The following PDS5B variants were observed in gnomAD, a reference collection of about 807,000 sequenced individuals.
PDS5B encodes PDS5 cohesin associated factor B, also known as sister chromatid cohesion protein PDS5 homolog B.
PDS5B carries 51 observed loss-of-function variants against 184.1 expected under a neutral mutation model. The ratio of observed to expected loss-of-function variants is 0.28; its 90% CI spans 0.22 to 0.35. The LOEUF (loss-of-function observed/expected upper bound fraction) is 0.35, where lower values mean the gene tolerates loss of function less well. Ranked by LOEUF, PDS5B falls within the 10% of genes least tolerant of loss-of-function variation. The pLI is 1.00. For synonymous variants in PDS5B, 566 were observed against 569.2 expected (o/e 0.99, Z 0.08); for missense variants, 1,180 against 1,723.3 (o/e 0.68, Z 5.58).
At chr13:32,590,900 A>C (rs1358178122) in intron 1 of PDS5B, among the ~76,000 whole-genome samples, 4 of 151,788 alleles carry the variant, frequency 2.6e-5, no homozygotes. Context: ...TAAGTACTCT[A>C]TTAGGGGAAT....
At chr13:32,637,985 G>A (rs751496544) in intron 1 of PDS5B, among the ~76,000 whole-genome samples, 50 of 152,274 alleles carry the variant, frequency 3.3e-4, no homozygotes, top group Admixed American at 2.8e-3. Context: ...TACTGATCTG[G>A]ACCAGGCTTA....
At chr13:32,586,746 A>T (rs1405114332) in intron 1 of PDS5B, among the ~76,000 whole-genome samples, 153 bp downstream of exon 1, 2 of 146,272 alleles carry the variant, frequency 1.4e-5, no homozygotes, top group Non-Finnish European at 3.0e-5. Flanking sequence ...GCCTCCCGGC[A>T]TCGGGGGCTG....
chr13:32,676,697 C>T (rs1186636336), intron 9 of PDS5B, among the ~76,000 whole-genome samples: 7 of 152,088 alleles, frequency 4.6e-5, no homozygotes, highest in Non-Finnish European at 7.4e-5. Context: ...TTTGGGAGGC[C>T]GAGGCAGGTG....
At chr13:32,629,727 A>T (rs2058426018) in intron 1 of PDS5B, among the ~76,000 whole-genome samples, 1 of 152,162 alleles carries the variant, frequency 6.6e-6, no homozygotes, top group South Asian at 2.1e-4. Context: ...CAAGAAGTTG[A>T]GTGTGCCTCT....
intron 1 of PDS5B, among the ~76,000 whole-genome samples, chr13:32,613,950 C>T (rs753697310): frequency 3.9e-5 from 6 of 152,130 alleles, no homozygotes; most frequent in Non-Finnish European, 5.9e-5. Context: ...CATTCTTTTG[C>T]GTGTTGATAA....
chr13:32,686,533 C>T (rs1350345820), intron 11 of PDS5B, among the ~76,000 whole-genome samples: 1 of 152,136 alleles, frequency 6.6e-6, no homozygotes, highest in Non-Finnish European at 1.5e-5. Flanking sequence ...CCTGTAATCC[C>T]AGCACTTTAG....
intron 3 of PDS5B, among the ~76,000 whole-genome samples, chr13:32,655,432 G>A (rs989378971): frequency 6.0e-5 from 8 of 133,090 alleles, no homozygotes; most frequent in Non-Finnish European, 1.2e-4. Context: ...AGGCTGGAGT[G>A]CAGTGGTGCG....
At chr13:32,628,972 G>A (rs1233776647) in intron 1 of PDS5B, among the ~76,000 whole-genome samples, 1 of 152,156 alleles carries the variant, frequency 6.6e-6, no homozygotes, top group African/African-American at 2.4e-5. Context: ...CTGGGTTGAA[G>A]GGAATGTGTC....
intron 26 of PDS5B, among the ~76,000 whole-genome samples, chr13:32,757,838 G>A (rs964958503): frequency 6.6e-6 from 1 of 151,930 alleles, no homozygotes; most frequent in African/African-American, 2.4e-5. Context: ...CCTTTAACCC[G>A]CCTCCTTGGA....
intron 1 of PDS5B, among the ~76,000 whole-genome samples, chr13:32,595,764 G>A (rs939448458): frequency 1.3e-5 from 2 of 152,178 alleles, no homozygotes; most frequent in African/African-American, 4.8e-5. Context: ...TAGGATGCTA[G>A]AACATTTCAT....
intron 12 of PDS5B, 51 bp downstream of exon 12, chr13:32,687,336 T>A: frequency 7.5e-7 from 1 of 1,336,338 alleles, no homozygotes; most frequent in Non-Finnish European, 1.0e-6. Flanking sequence ...TTATATAACT[T>A]GATTTATTGT....
chr13:32,596,084 T>G (rs2057861976), intron 1 of PDS5B, among the ~76,000 whole-genome samples: 1 of 152,232 alleles, frequency 6.6e-6, no homozygotes, highest in Non-Finnish European at 1.5e-5. Context: ...GAGGTGTAAT[T>G]AAAATACAGT....
chr13:32,702,346 C>G (rs1180211630), intron 17 of PDS5B, among the ~76,000 whole-genome samples: 1 of 152,076 alleles, frequency 6.6e-6, no homozygotes, highest in Non-Finnish European at 1.5e-5. Context: ...AAAAGCAAGA[C>G]AAGAAGTAGA....
At chr13:32,756,548 A>T (rs1340834852) in intron 26 of PDS5B, among the ~76,000 whole-genome samples, 2 of 152,208 alleles carry the variant, frequency 1.3e-5, no homozygotes, top group East Asian at 3.8e-4. Flanking sequence ...ATATTTAGAG[A>T]AATCTTTAAG....
At chr13:32,752,406 G>A (rs909159103) in intron 24 of PDS5B, among the ~76,000 whole-genome samples, 6 of 152,122 alleles carry the variant, frequency 3.9e-5, no homozygotes, top group Non-Finnish European at 5.9e-5. Flanking sequence ...CACTGATAAG[G>A]GGGAGCTAGT....
chr13:32,758,331 G>C (rs1954259369), intron 27 of PDS5B, 112 bp downstream of exon 27: 1 of 1,026,290 alleles, frequency 9.7e-7, no homozygotes, highest in East Asian at 2.7e-5. Flanking sequence ...TTTTCTATTA[G>C]TAATTAGAAT....
Position 32,758,070 on chromosome 13 carries a change from C to CT in PDS5B, c.3057-3dup, listed in dbSNP as rs376698450. ...GATTTTCTTCTATATTTCTTTTTTC[C>CT]TTTTTTTTTTTTTTAGATGTCTTTG... On this transcript the variant is annotated splice_polypyrimidine_tract_variant and intron_variant, in intron 26 of 34. Transcript: ENST00000315596. 0.056 allele frequency: 51,440 copies of CT among 913,858 alleles called. 17 individuals carry two copies. Among genetic ancestry groups the CT allele is most frequent in the Non-Finnish European group, 0.061 (41,587 of 676,950 alleles). 56.6% of individuals were successfully genotyped at this position (913,858 alleles called of 1,614,324 possible).
At chr13:32,616,046 C>T (rs1281077351) in intron 1 of PDS5B, among the ~76,000 whole-genome samples, 1 of 150,940 alleles carries the variant, frequency 6.6e-6, no homozygotes, top group East Asian at 1.9e-4. Context: ...TATTTTTCCT[C>T]CTCTCTCTCT....
chr13:32,732,501 A>C (rs182243186), intron 20 of PDS5B, among the ~76,000 whole-genome samples: 25 of 152,256 alleles, frequency 1.6e-4, no homozygotes, highest in Admixed American at 2.6e-4. Flanking sequence ...ACAGGTAATT[A>C]CATATAAAAT....
Sources: gnomAD v4.1 joint callset for allele counts (sites outside exome capture counted in the v4.1 genomes callset) on GRCh38, gnomAD v4.1.1 for gene constraint, MANE v1.5 for transcripts, NCBI Gene and HGNC (gene_info 2026-07-23, HGNC 2026-07-21) for gene names.